Variants in EML6 observed in about 807,000 individuals in gnomAD.
EML6 encodes echinoderm microtubule-associated protein-like 6.
EML6 carries 154 observed loss-of-function variants against 240.1 expected under a neutral mutation model. The observed-to-expected ratio is 0.64, with a 90% CI of 0.56 to 0.73. The LOEUF (loss-of-function observed/expected upper bound fraction) is 0.73, where lower values mean the gene tolerates loss of function less well. Among genes scored for constraint, EML6 ranks in the 30% least tolerant of loss-of-function variants. The pLI, the probability that EML6 is intolerant of heterozygous loss-of-function variation, is 0.00. For synonymous variants in EML6, 1,148 were observed against 899.0 expected (o/e 1.28, Z -4.95); for missense variants, 2,964 against 2,474.6 (o/e 1.20, Z -4.20).
intron 2 of EML6, 63 bp from the exon 3 acceptor site, chr2:54,813,169 G>T: frequency 8.4e-7 from 1 of 1,185,028 alleles, no homozygotes; most frequent in Non-Finnish European, 1.2e-6. Flanking sequence ...AACAGATTTG[G>T]ATAAAAGGTG....
chr2:54,776,641 A>G (rs1441606635), intron 2 of EML6, among the ~76,000 whole-genome samples: 1 of 152,116 alleles, frequency 6.6e-6, no homozygotes, highest in Non-Finnish European at 1.5e-5. Context: ...CCCCAACTCC[A>G]GCATTATGCA....
intron 12 of EML6, 51 bp from the exon 13 acceptor site, chr2:54,863,732 G>T: frequency 1.1e-6 from 1 of 879,214 alleles, no homozygotes; most frequent in South Asian, 1.5e-5. Flanking sequence ...AATTTCAGTT[G>T]CTCAGAGTCT....
intron 24 of EML6, among the ~76,000 whole-genome samples, chr2:54,909,876 T>G (rs1053906874): frequency 6.7e-6 from 1 of 148,620 alleles, no homozygotes; most frequent in Non-Finnish European, 1.5e-5. Context: ...AAAAAAAGAT[T>G]AGCCAAGCTA....
At chr2:54,773,300 A>G (rs1274875295) in intron 2 of EML6, among the ~76,000 whole-genome samples, 2 of 152,276 alleles carry the variant, frequency 1.3e-5, no homozygotes, top group Non-Finnish European at 2.9e-5. Flanking sequence ...CTGAGCATGT[A>G]GCCCAAAGCC....
At chr2:54,930,190 T>G (rs1023085321) in intron 28 of EML6, among the ~76,000 whole-genome samples, 2 of 152,218 alleles carry the variant, frequency 1.3e-5, no homozygotes, top group Non-Finnish European at 2.9e-5. Context: ...TTCTGGCTGA[T>G]TTCTGTAACT....
At chr2:54,899,272 A>C (rs1387155360) in intron 21 of EML6, among the ~76,000 whole-genome samples, 1 of 152,214 alleles carries the variant, frequency 6.6e-6, no homozygotes, top group Non-Finnish European at 1.5e-5. Flanking sequence ...AAGCTGCTTT[A>C]CTAGGAGGGT....
chr2:54,905,024 A>C (rs1220860339), intron 24 of EML6, among the ~76,000 whole-genome samples: 1 of 152,192 alleles, frequency 6.6e-6, no homozygotes, highest in African/African-American at 2.4e-5. Flanking sequence ...GATGCATTGC[A>C]TTTATAAAAG....
chr2:54,945,048 C>G (rs1390673355), intron 28 of EML6, among the ~76,000 whole-genome samples: 2 of 127,400 alleles, frequency 1.6e-5, no homozygotes, highest in East Asian at 5.0e-4. Flanking sequence ...TCACTCCTTC[C>G]CTCCTCCCTC....
intron 28 of EML6, among the ~76,000 whole-genome samples, chr2:54,946,942 G>A (rs542944203): frequency 1.1e-4 from 16 of 151,442 alleles, no homozygotes; most frequent in South Asian, 2.1e-4. Flanking sequence ...AAAAAGCATC[G>A]GATTGCGTCT....
chr2:54,845,977 A>T (rs1669729498), intron 8 of EML6, among the ~76,000 whole-genome samples: 1 of 152,208 alleles, frequency 6.6e-6, no homozygotes, highest in African/African-American at 2.4e-5. Context: ...TGCACCCAAC[A>T]TGTAAAGCCT....
chr2:54,860,671 C>T (rs1040300057), intron 12 of EML6, among the ~76,000 whole-genome samples: 5 of 152,198 alleles, frequency 3.3e-5, no homozygotes, highest in Admixed American at 6.5e-5. Flanking sequence ...CCTCCCACTT[C>T]GGGGAGCAGA....
chr2:54,741,189 A>G (rs1251836104), intron 2 of EML6, among the ~76,000 whole-genome samples: 6 of 152,088 alleles, frequency 3.9e-5, no homozygotes, highest in Non-Finnish European at 8.8e-5. Flanking sequence ...TGGCCTCTCT[A>G]TCTTACTGCT....
In EML6 at chr2:54,827,675, A is replaced by T. The variant is rs959664349; in HGVS notation, c.635A>T (p.Tyr212Phe). ...CLACAKEDIT[Y>F]SGALNGDIYV... ...GCATGTGCCAAAGAAGACATCACCT[A>T]CTCTGGTGCTTTAAATGGTGACATC... The change falls in exon 6 of 42, where the codon TAC (tyrosine) becomes TTC (phenylalanine). Residue 212 changes from tyrosine to phenylalanine, a missense_variant. Physicochemically the swap from Tyr to Phe is conservative, Grantham distance 22. Transcript: ENST00000356458. The T allele has an allele frequency of 6.4e-7, 1 of 1,551,432 alleles. No individual in the cohort carries two copies. Among genetic ancestry groups the T allele is most frequent in the Middle Eastern group, 1.7e-4 (1 of 5,988 alleles).
intron 2 of EML6, among the ~76,000 whole-genome samples, chr2:54,797,179 A>AAAAAAAAACAAAAAAAAAAC (rs1669853000): frequency 6.8e-6 from 1 of 146,906 alleles, no homozygotes; most frequent in Non-Finnish European, 1.5e-5. Flanking sequence ...AAAAAAAAAA[A>AAAAAAAAACAAAAAAAAAAC]AAAAAAAAAA....
At chr2:54,727,003 G>A (rs1481438560) in intron 2 of EML6, among the ~76,000 whole-genome samples, 1 of 152,222 alleles carries the variant, frequency 6.6e-6, no homozygotes, top group East Asian at 1.9e-4. Flanking sequence ...CAAATGCACT[G>A]TTGAAGCTGA....
At chr2:54,746,584 TG>T (rs553892844) in intron 2 of EML6, among the ~76,000 whole-genome samples, 230 of 152,338 alleles carry the variant, frequency 1.5e-3, no homozygotes, top group Non-Finnish European at 2.7e-3. Context: ...TATGTCACAC[TG>T]CGAAGACTGA....
chr2:54,821,193 G>A (rs1451262235), intron 5 of EML6, among the ~76,000 whole-genome samples: 1 of 152,072 alleles, frequency 6.6e-6, no homozygotes, highest in Admixed American at 6.6e-5. Flanking sequence ...TACAAAAATG[G>A]TACATTTCTG....
intron 29 of EML6, 86 bp from the exon 30 acceptor site, chr2:54,950,564 C>A (rs1346563529): frequency 1.4e-6 from 2 of 1,454,590 alleles, no homozygotes; most frequent in South Asian, 1.3e-5. Context: ...CTGGGACACA[C>A]GAGGCTGCTC....
chr2:54,949,953 C>T (rs13397708), intron 29 of EML6, among the ~76,000 whole-genome samples: 2 of 152,344 alleles, frequency 1.3e-5, no homozygotes, highest in African/African-American at 4.8e-5. Flanking sequence ...TTTCCTGATG[C>T]TTCTCACCCT....
Sources: gnomAD v4.1 joint callset for allele counts (sites outside exome capture counted in the v4.1 genomes callset) on GRCh38, gnomAD v4.1.1 for gene constraint, MANE v1.5 for transcripts, NCBI Gene and HGNC (gene_info 2026-07-23, HGNC 2026-07-21) for gene names.